MAP3K7: variants seen among roughly 807,000 people sequenced by gnomAD.
The protein encoded by MAP3K7 is TGF-beta activated kinase 1.
A neutral mutation model predicts 84.8 loss-of-function variants in MAP3K7; 21 were observed. The ratio of observed to expected loss-of-function variants is 0.25; its 90% confidence interval spans 0.18 to 0.36. The LOEUF is 0.36. Among genes scored for constraint, MAP3K7 ranks in the 10% least tolerant of loss-of-function variants. MAP3K7 has a pLI of 1.00. For missense variants in MAP3K7, 503 were observed against 747.7 expected (o/e 0.67, Z 3.82); for synonymous variants, 241 against 247.7 (o/e 0.97, Z 0.25).
intron 3 of MAP3K7, among the ~76,000 whole-genome samples, chr6:90,561,933 T>C (rs764464123): frequency 1.3e-4 from 20 of 152,200 alleles, no homozygotes; most frequent in South Asian, 2.1e-4. Context: ...AGTAAGTAGG[T>C]GCTGCCACAG....
chr6:90,576,929 T>C (rs1447773713), intron 1 of MAP3K7, among the ~76,000 whole-genome samples: 1 of 151,968 alleles, frequency 6.6e-6, no homozygotes, highest in African/African-American at 2.4e-5. Context: ...TAAAAAGGAG[T>C]TTGAATTTCA....
At chr6:90,536,548 G>GA (rs933922990) in intron 12 of MAP3K7, 147 bp from the exon 13 acceptor site, 41,700 of 401,106 alleles carry the variant, frequency 0.1, 10 homozygotes, top group South Asian at 0.14. Context: ...TTATTGCTAA[G>GA]AAAAAAAAAA....
chr6:90,561,484 T>C (rs1156231450), intron 4 of MAP3K7, 138 bp downstream of exon 4: 2 of 548,490 alleles, frequency 3.6e-6, no homozygotes, highest in Non-Finnish European at 6.5e-6. Flanking sequence ...ATTTTTATTC[T>C]TAGCAGATTT....
intron 5 of MAP3K7, 145 bp from the exon 6 acceptor site, chr6:90,556,769 G>C (rs1435489715): frequency 1.3e-6 from 1 of 797,734 alleles, no homozygotes; most frequent in Admixed American, 3.3e-5. Context: ...AATTTACTTG[G>C]TCACTATAAA....
chr6:90,530,417 T>C (rs905847503), intron 13 of MAP3K7, among the ~76,000 whole-genome samples: 1 of 152,152 alleles, frequency 6.6e-6, no homozygotes, highest in African/African-American at 2.4e-5. Flanking sequence ...CTCCTTAAGC[T>C]TAAATCTTTT....
intron 7 of MAP3K7, 100 bp downstream of exon 7, chr6:90,553,358 A>G: frequency 1.7e-6 from 2 of 1,152,606 alleles, no homozygotes; most frequent in Non-Finnish European, 2.5e-6. Context: ...GTACATTTTA[A>G]TGTTAGAGAT....
At chr6:90,575,787 A>C (rs546705316) in intron 1 of MAP3K7, among the ~76,000 whole-genome samples, 1 of 152,174 alleles carries the variant, frequency 6.6e-6, no homozygotes, top group Non-Finnish European at 1.5e-5. Context: ...TCTGCCTTCA[A>C]AGGATGCAAG....
intron 12 of MAP3K7, among the ~76,000 whole-genome samples, chr6:90,538,265 A>G (rs1243191566): frequency 6.6e-6 from 1 of 151,970 alleles, no homozygotes; most frequent in African/African-American, 2.4e-5. Context: ...ATTTAGAAAT[A>G]TGAATGTAAG....
intron 9 of MAP3K7, among the ~76,000 whole-genome samples, chr6:90,548,661 C>A (rs1173551181): frequency 1.3e-5 from 2 of 151,916 alleles, no homozygotes; most frequent in East Asian, 3.9e-4. Context: ...GAAATGAGTG[C>A]AGACAGATAA....
At chr6:90,581,477 C>T (rs1029483866) in intron 1 of MAP3K7, among the ~76,000 whole-genome samples, 1 of 152,144 alleles carries the variant, frequency 6.6e-6, no homozygotes, top group Admixed American at 6.5e-5. Flanking sequence ...TAAACTGTGG[C>T]AGAGTGGAAC....
chr6:90,536,422 G>GT, intron 12 of MAP3K7, 21 bp from the exon 13 acceptor site: 1 of 1,580,808 alleles, frequency 6.3e-7, no homozygotes, highest in Non-Finnish European at 8.7e-7. Context: ...AAGAAAAAAA[G>GT]TAAAATACTA....
chr6:90,560,044 A>G (rs914933774), intron 5 of MAP3K7, 32 bp downstream of exon 5: 5 of 1,613,732 alleles, frequency 3.1e-6, no homozygotes, highest in Non-Finnish European at 4.2e-6. Context: ...AAGGAGGAAG[A>G]GGCTGAGGGG....
intron 5 of MAP3K7, among the ~76,000 whole-genome samples, chr6:90,559,708 G>T (rs1776446454): frequency 6.6e-6 from 1 of 152,120 alleles, no homozygotes; most frequent in Non-Finnish European, 1.5e-5. Context: ...ATGTTTATGT[G>T]CTAGGTGTTA....
intron 12 of MAP3K7, among the ~76,000 whole-genome samples, chr6:90,539,296 T>C (rs1426514680): frequency 6.6e-6 from 1 of 151,902 alleles, no homozygotes; most frequent in Non-Finnish European, 1.5e-5. Flanking sequence ...TGGTAGACTA[T>C]ACAATATGGC....
chr6:90,516,960 CCT>C (rs1774985953), intron 16 of MAP3K7, among the ~76,000 whole-genome samples: 2 of 151,738 alleles, frequency 1.3e-5, no homozygotes, highest in Admixed American at 6.6e-5. Context: ...CATTTTCTAT[CCT>C]CTTTTTGTGT....
intron 11 of MAP3K7, among the ~76,000 whole-genome samples, chr6:90,545,824 T>C (rs920040120): frequency 9.2e-5 from 14 of 152,168 alleles, no homozygotes; most frequent in African/African-American, 3.4e-4. Context: ...GAGCTACGTG[T>C]AGCCATTCGA....
chr6:90,534,386 G>A (rs1328139598), intron 13 of MAP3K7, among the ~76,000 whole-genome samples: 2 of 152,100 alleles, frequency 1.3e-5, no homozygotes, highest in Admixed American at 1.3e-4. Flanking sequence ...GGCATTTTAA[G>A]GCTATAACAC....
At chr6:90,562,580 T>C (rs1776560560) in intron 3 of MAP3K7, among the ~76,000 whole-genome samples, 1 of 152,176 alleles carries the variant, frequency 6.6e-6, no homozygotes, top group Non-Finnish European at 1.5e-5. Context: ...GCCAGGAAGT[T>C]CGAACTGGGT....
At chr6:90,585,699 T>C (rs960462304) in intron 1 of MAP3K7, among the ~76,000 whole-genome samples, 3 of 152,148 alleles carry the variant, frequency 2.0e-5, no homozygotes, top group Non-Finnish European at 2.9e-5. Flanking sequence ...TTGAAATATC[T>C]TGTTCTAAAA....
Sources: allele counts gnomAD v4.1 joint callset (sites outside exome capture counted in the v4.1 genomes callset), GRCh38; gene constraint gnomAD v4.1.1; transcripts MANE v1.5; gene names NCBI Gene and HGNC (gene_info 2026-07-23, HGNC 2026-07-21).